The following CAMKK2 variants were observed in gnomAD, a reference collection of about 807,000 sequenced individuals.
CAMKK2 encodes the protein calcium/calmodulin-dependent protein kinase kinase 2.
A neutral mutation model predicts 67.2 loss-of-function variants in CAMKK2; 30 were observed. That is an observed-to-expected ratio of 0.45 (90% CI 0.33 to 0.61). CAMKK2 has a LOEUF of 0.61. Ranked by LOEUF, CAMKK2 falls within the 20% of genes least tolerant of loss-of-function variation. CAMKK2 has a pLI of 0.02. For synonymous variants in CAMKK2, 322 were observed against 326.2 expected (o/e 0.99, Z 0.14); for missense variants, 643 against 802.0 (o/e 0.80, Z 2.39).
At chr12:121,276,912 GT>G (rs1896942467) in intron 1 of CAMKK2, among the ~76,000 whole-genome samples, 6 of 98,136 alleles carry the variant, frequency 6.1e-5, no homozygotes, top group East Asian at 3.7e-4. Flanking sequence ...TGGGGGGGGG[GT>G]CTCTCTAGAT....
intron 1 of CAMKK2, among the ~76,000 whole-genome samples, chr12:121,289,462 C>T (rs1461308696): frequency 6.6e-6 from 1 of 152,068 alleles, no homozygotes; most frequent in East Asian, 1.9e-4. Context: ...GAAAGGGGTC[C>T]AATCAGGGAA....
rs1177507529 is a variant in CAMKK2, at chr12:121,238,028, G to C, written c.*2671C>G. 6.6e-6 allele frequency: 1 copy of C among 152,644 alleles called. No homozygotes were observed. The highest frequency in any genetic ancestry group is 6.5e-5 in the Admixed American group (1 of 15,284). The allele number at this position is 152,644 out of a possible 1,614,324, so 9.5% of individuals were successfully genotyped here. A position where few individuals can be genotyped will look rare whatever the true frequency, so the allele number is the denominator to read the frequency against. ...TGGTTCTTCCACTCGGCAACGTGAA[G>C]CTCCCCGCTGGAAGACAAGTGAGAG... On this transcript the variant is annotated 3_prime_UTR_variant, in exon 17 of 17. Transcript: ENST00000404169.
chr12:121,250,470 T>C (rs1277251441), intron 11 of CAMKK2, among the ~76,000 whole-genome samples: 7 of 152,198 alleles, frequency 4.6e-5, no homozygotes, highest in African/African-American at 1.7e-4. Context: ...GAGGTTTTCA[T>C]TCACTGTTCC....
chr12:121,261,772 C>T (rs762428295), intron 6 of CAMKK2, among the ~76,000 whole-genome samples: 2 of 152,232 alleles, frequency 1.3e-5, no homozygotes, highest in African/African-American at 2.4e-5. Context: ...AATGCCTTTC[C>T]GTGACTTCTC....
chr12:121,242,053 C>A (rs1888478652), intron 16 of CAMKK2, among the ~76,000 whole-genome samples: 1 of 152,134 alleles, frequency 6.6e-6, no homozygotes, highest in South Asian at 2.1e-4. Context: ...AAACGAAGGC[C>A]GGGCACAGTG....
chr12:121,245,610 G>A lies in CAMKK2; in HGVS notation c.1453-370C>T, dbSNP rs896201201. Among the ~76,000 whole-genome samples the A allele has an allele frequency of 3.9e-5, 6 of 152,020 alleles. No homozygotes were observed. Among genetic ancestry groups the A allele is most frequent in the African/African-American group, 1.2e-4 (5 of 41,392 alleles). On this transcript the variant is annotated intron_variant, in intron 14 of 16. Transcript: ENST00000404169. This position sits in a 1 kb window ranked among gnomAD's most constrained non-coding sequence, Gnocchi z 5.8. ...GGCCTGTGGTCAGCCAGAGAGCCCC[G>A]GAAAGTTCTGGAGCAAGGACGTGAA...
intron 3 of CAMKK2, among the ~76,000 whole-genome samples, chr12:121,270,402 A>C (rs11831845): frequency 0.048 from 7,283 of 151,432 alleles, 560 homozygotes; most frequent in African/African-American, 0.17. Flanking sequence ...TTCCTAGTTT[A>C]TTTTGAAAAA....
At position 121,255,751 on chromosome 12, in the gene CAMKK2, G is replaced by A. The variant is rs201017471; in HGVS notation, c.818+32C>T. On this transcript the variant is annotated intron_variant, in intron 8 of 16. Transcript: ENST00000404169. ...AGCTATGCAGCTACAGAAGCTTCTTGCATCACCCCTGCTGGGAGCTGGGAC... is the reference window on the plus strand; with the variant it reads ...AGCTATGCAGCTACAGAAGCTTCTTACATCACCCCTGCTGGGAGCTGGGAC... 49 of 1,613,068 alleles carry A rather than the reference G, an allele frequency of 3.0e-5. No homozygotes were observed. The African/African-American group carries it at 5.7e-4, about 19-fold the overall frequency.
At position 121,240,549 on chromosome 12, in the gene CAMKK2, A is replaced by C. The variant is rs1399455102; in HGVS notation, c.*150T>G. 1.3e-6 allele frequency: 2 copies of C among 1,524,142 alleles called. No homozygotes were observed. Among genetic ancestry groups the C allele is most frequent in the South Asian group, 1.2e-5 (1 of 82,796 alleles). 94.4% of individuals were successfully genotyped at this position (1,524,142 alleles called of 1,614,324 possible). On this transcript the variant is annotated 3_prime_UTR_variant, in exon 17 of 17. Coordinates refer to ENST00000404169, the MANE Select transcript of CAMKK2 (RefSeq NM_001270485.2). This position sits in a 1 kb window ranked among gnomAD's most constrained non-coding sequence, Gnocchi z 4.4. ...CTTTTTTTTTTTTTGTCCCCTTTAAAACAACAAAGGAAAAAACAAATAACC... is the reference window on the plus strand; with the variant it reads ...CTTTTTTTTTTTTTGTCCCCTTTAACACAACAAAGGAAAAAACAAATAACC...
Position 121,255,224 on chromosome 12 carries a change from ATATATATAATTTTATATATATATAAT to A in CAMKK2, c.907+300_907+325del, listed in dbSNP as rs1566057972. Among the ~76,000 whole-genome samples the A allele has an allele frequency of 9.4e-4, 49 of 51,912 alleles. 2 individuals carry two copies. Among genetic ancestry groups the A allele is most frequent in the African/African-American group, 3.6e-3 (48 of 13,336 alleles). 34.1% of individuals were successfully genotyped at this position (51,912 alleles called of 152,430 possible). ...TATATAATTATATATATAATTTTAT[ATATATATAATTTTATATATATATAAT>A]TATATATATAATTTTATATATATAT... is the stretch of plus-strand genomic sequence containing the variant. On this transcript the variant is annotated intron_variant, in intron 9 of 16. Transcript: ENST00000404169.
intron 11 of CAMKK2, among the ~76,000 whole-genome samples, chr12:121,252,029 G>A (rs905137279): frequency 5.3e-5 from 8 of 152,152 alleles, no homozygotes; most frequent in African/African-American, 1.9e-4. Context: ...AGGCTCAGGA[G>A]GAACGAGCAC....
intron 8 of CAMKK2, 41 bp from the exon 9 acceptor site, chr12:121,255,679 C>G (rs1892128303): frequency 1.9e-6 from 3 of 1,608,270 alleles, no homozygotes; most frequent in Non-Finnish European, 2.6e-6. Context: ...AGCAGACCCG[C>G]CAGCCCTTGC....
At chr12:121,269,045 G>T (rs550526446) in intron 4 of CAMKK2, among the ~76,000 whole-genome samples, 5 of 137,242 alleles carry the variant, frequency 3.6e-5, no homozygotes, top group Non-Finnish European at 8.0e-5. Flanking sequence ...TTTTACACAC[G>T]GGGAAACTGA....
At chr12:121,263,044 C>T (rs1310416607) in intron 6 of CAMKK2, among the ~76,000 whole-genome samples, 1 of 152,104 alleles carries the variant, frequency 6.6e-6, no homozygotes, top group Non-Finnish European at 1.5e-5. Context: ...TCTCAGCTCA[C>T]TGCAACCTCT....
intron 13 of CAMKK2, 91 bp from the exon 14 acceptor site, chr12:121,248,825 G>C: frequency 2.0e-6 from 3 of 1,466,022 alleles, no homozygotes; most frequent in Non-Finnish European, 2.8e-6. Context: ...CATGCAGGAC[G>C]GAGAGGCAAG....
At chr12:121,281,888 G>A (rs1897867141) in intron 1 of CAMKK2, among the ~76,000 whole-genome samples, 1 of 152,218 alleles carries the variant, frequency 6.6e-6, no homozygotes, top group East Asian at 1.9e-4. Context: ...AGAGGTTGTG[G>A]TGAGCCAAGA....
At chr12:121,242,657 G>C (rs11065504) in intron 16 of CAMKK2, among the ~76,000 whole-genome samples, 44,644 of 152,162 alleles carry the variant, frequency 0.29, 7,114 homozygotes, top group East Asian at 0.35. Flanking sequence ...TCTCTCAAAA[G>C]CATAAATAAT....
intron 1 of CAMKK2, among the ~76,000 whole-genome samples, chr12:121,290,656 C>A (rs1364657287): frequency 6.6e-6 from 1 of 152,162 alleles, no homozygotes; most frequent in Non-Finnish European, 1.5e-5. Context: ...CAACACTGCA[C>A]TCCAGCCTGG....
At chr12:121,242,773 C>T (rs1386485824) in intron 16 of CAMKK2, among the ~76,000 whole-genome samples, 8 of 151,988 alleles carry the variant, frequency 5.3e-5, no homozygotes, top group East Asian at 3.8e-4. Context: ...GACGGAGTCT[C>T]GCTCTGTCGC....
Sources: allele counts gnomAD v4.1 joint callset (sites outside exome capture counted in the v4.1 genomes callset), GRCh38; gene constraint gnomAD v4.1.1; non-coding constraint Gnocchi (gnomAD v3.1); transcripts MANE v1.5; gene names NCBI Gene and HGNC (gene_info 2026-07-23, HGNC 2026-07-21).